Variants in ERBB4 observed in about 807,000 individuals in gnomAD.
ERBB4 encodes the protein receptor tyrosine-protein kinase erbB-4.
ERBB4 carries 42 observed loss-of-function variants against 158.0 expected under a neutral mutation model. That is an observed-to-expected ratio of 0.27 (90% CI 0.21 to 0.34). The LOEUF (loss-of-function observed/expected upper bound fraction) is 0.34, where lower values mean the gene tolerates loss of function less well. Among genes scored for constraint, ERBB4 ranks in the 10% least tolerant of loss-of-function variants. The pLI is 1.00. For synonymous variants in ERBB4, 583 were observed against 558.7 expected (o/e 1.04, Z -0.61); for missense variants, 1,333 against 1,624.1 (o/e 0.82, Z 3.08).
chr2:211,400,971 A>G (rs555858876), intron 25 of ERBB4, among the ~76,000 whole-genome samples: 2 of 152,110 alleles, frequency 1.3e-5, no homozygotes, highest in Non-Finnish European at 2.9e-5. Context: ...ATTTGAAACA[A>G]TTGTCAAAAT....
At chr2:211,722,772 C>A (rs1051950411) in intron 6 of ERBB4, among the ~76,000 whole-genome samples, 4 of 152,134 alleles carry the variant, frequency 2.6e-5, no homozygotes, top group Admixed American at 6.5e-5. Context: ...CCAGTAATTT[C>A]TAAACTGAGA....
At chr2:211,423,247 C>A (rs948305404) in intron 23 of ERBB4, among the ~76,000 whole-genome samples, 6 of 151,890 alleles carry the variant, frequency 4.0e-5, no homozygotes, top group African/African-American at 1.4e-4. Context: ...GGCAGGCTGA[C>A]CTGAACTGCA....
intron 16 of ERBB4, among the ~76,000 whole-genome samples, chr2:211,643,449 C>T (rs1176911498): frequency 1.3e-5 from 2 of 152,082 alleles, no homozygotes; most frequent in Non-Finnish European, 2.9e-5. Flanking sequence ...ACACCTAAAA[C>T]TATTGGGTGA....
At chr2:212,156,504 T>A (rs1352273394) in intron 1 of ERBB4, among the ~76,000 whole-genome samples, 1 of 152,140 alleles carries the variant, frequency 6.6e-6, no homozygotes, top group East Asian at 1.9e-4. Context: ...GAAGCACGCA[T>A]ACCCAACCAA....
intron 20 of ERBB4, among the ~76,000 whole-genome samples, chr2:211,463,831 G>A (rs1327447676): frequency 2.0e-5 from 3 of 152,016 alleles, no homozygotes; most frequent in Non-Finnish European, 2.9e-5. Context: ...ATGACATTCA[G>A]GACCCTAAAT....
At chr2:212,261,180 C>T (rs1414140789) in intron 1 of ERBB4, among the ~76,000 whole-genome samples, 2 of 152,138 alleles carry the variant, frequency 1.3e-5, no homozygotes, top group Non-Finnish European at 2.9e-5. Flanking sequence ...ATCAAAATAT[C>T]TGGAACATTT....
chr2:211,730,859 A>G (rs1427792968), intron 5 of ERBB4, among the ~76,000 whole-genome samples: 1 of 152,106 alleles, frequency 6.6e-6, no homozygotes, highest in Non-Finnish European at 1.5e-5. Context: ...AGAGTTGAGA[A>G]CCTTTATTCT....
At chr2:211,574,446 G>C (rs2067833065) in intron 19 of ERBB4, among the ~76,000 whole-genome samples, 1 of 152,086 alleles carries the variant, frequency 6.6e-6, no homozygotes, top group South Asian at 2.1e-4. Flanking sequence ...TAACAATATG[G>C]AACAAGTAGA....
intron 1 of ERBB4, among the ~76,000 whole-genome samples, chr2:212,285,375 C>A (rs1480983273): frequency 8.5e-6 from 1 of 118,012 alleles, no homozygotes; most frequent in East Asian, 2.4e-4. Context: ...GCACAGGTTG[C>A]TGAAGGGGAC....
chr2:212,425,271 TAATA>T (rs1215098607), intron 1 of ERBB4, among the ~76,000 whole-genome samples: 2 of 148,780 alleles, frequency 1.3e-5, no homozygotes, highest in African/African-American at 4.9e-5. Context: ...GTGTGATATA[TAATA>T]AATAACAGAT....
In ERBB4 at chr2:211,673,244, A is replaced by G; in HGVS notation, c.1636T>C (p.Phe546Leu). The change falls in exon 14 of 28, where the codon TTT becomes CTT. Residue 546 changes from phenylalanine (F) to leucine (L), a missense_variant. By Grantham distance (22) the Phe-to-Leu change is conservative. Coordinates refer to ENST00000342788, the MANE Select transcript of ERBB4 (RefSeq NM_005235.3). ...TCCACACAGATGGAGCCATTCTCAA[A>G]CTCCCGAAATTCACTGTGAAAACAT... ...CNLYDGEFRE[F>L]ENGSICVECD... The G allele has an allele frequency of 6.2e-7, 1 of 1,613,452 alleles. No homozygotes were observed. Among genetic ancestry groups the G allele is most frequent in the Non-Finnish European group, 8.5e-7 (1 of 1,179,528 alleles).
intron 2 of ERBB4, among the ~76,000 whole-genome samples, chr2:211,980,803 G>A (rs2081770626): frequency 6.6e-6 from 1 of 152,106 alleles, no homozygotes; most frequent in African/African-American, 2.4e-5. Context: ...AGGACACATT[G>A]TACAGTTAGG....
At chr2:212,122,237 T>C (rs187021323) in intron 2 of ERBB4, among the ~76,000 whole-genome samples, 5 of 152,056 alleles carry the variant, frequency 3.3e-5, no homozygotes, top group South Asian at 2.1e-4. Flanking sequence ...CTCAACATGA[T>C]TGTTGAAGCC....
chr2:212,462,956 A>G (rs1042401165), intron 1 of ERBB4, among the ~76,000 whole-genome samples: 39 of 152,166 alleles, frequency 2.6e-4, no homozygotes, highest in Non-Finnish European at 4.4e-5. Context: ...TTATGGCAAC[A>G]TGGATGAGCC....
intron 1 of ERBB4, among the ~76,000 whole-genome samples, chr2:212,362,806 ACTT>A (rs1028819028): frequency 1.3e-5 from 2 of 151,114 alleles, no homozygotes; most frequent in African/African-American, 4.8e-5. Flanking sequence ...ATACCTAAAT[ACTT>A]CTTTCATAAA....
At chr2:212,168,441 A>C (rs554442938) in intron 1 of ERBB4, among the ~76,000 whole-genome samples, 20 of 152,232 alleles carry the variant, frequency 1.3e-4, no homozygotes, top group African/African-American at 4.6e-4. Flanking sequence ...ACATGCATGC[A>C]TGCACTCTTT....
At chr2:212,063,774 C>A (rs4672634) in intron 2 of ERBB4, among the ~76,000 whole-genome samples, 1 of 151,954 alleles carries the variant, frequency 6.6e-6, no homozygotes, top group African/African-American at 2.4e-5. Context: ...GTATGCGTTT[C>A]TCTCATACAA....
intron 7 of ERBB4, among the ~76,000 whole-genome samples, chr2:211,715,463 C>A (rs1309017276): frequency 6.6e-6 from 1 of 152,198 alleles, no homozygotes; most frequent in Admixed American, 6.5e-5. Context: ...TATTAAGTAG[C>A]CATTCTTTCT....
intron 2 of ERBB4, among the ~76,000 whole-genome samples, chr2:212,023,023 A>G (rs2076691328): frequency 6.6e-6 from 1 of 151,864 alleles, no homozygotes; most frequent in South Asian, 2.1e-4. Context: ...TTACGTTTTT[A>G]TTTTTTCATT....
Sources: allele counts gnomAD v4.1 joint callset (sites outside exome capture counted in the v4.1 genomes callset), GRCh38; gene constraint gnomAD v4.1.1; transcripts MANE v1.5; gene names NCBI Gene and HGNC (gene_info 2026-07-23, HGNC 2026-07-21).